OSBPL6: variants seen among roughly 807,000 people sequenced by gnomAD.
OSBPL6 encodes oxysterol-binding protein-related protein 6.
In OSBPL6, 49 loss-of-function variants were observed where a neutral mutation model predicts 125.8. That is an observed-to-expected ratio of 0.39 (90% CI 0.31 to 0.49). OSBPL6 has a LOEUF of 0.49. Ranked by LOEUF, OSBPL6 falls within the 20% of genes least tolerant of loss-of-function variation. The pLI is 0.88. For missense variants in OSBPL6, 986 were observed against 1,135.4 expected, an observed-to-expected ratio of 0.87 and a Z score of 1.89; for synonymous variants, 394 against 391.8, an observed-to-expected ratio of 1.01 and a Z score of -0.07.
chr2:178,393,836 AAC>A (rs1695615067), intron 23 of OSBPL6, among the ~76,000 whole-genome samples: 1 of 152,156 alleles, frequency 6.6e-6, no homozygotes, highest in Non-Finnish European at 1.5e-5. Flanking sequence ...TCTCCAGTAA[AAC>A]AGGAAAGCTC....
chr2:178,360,485 A>G (rs950049229), intron 12 of OSBPL6, among the ~76,000 whole-genome samples: 1 of 152,180 alleles, frequency 6.6e-6, no homozygotes, highest in Non-Finnish European at 1.5e-5. Context: ...TTAAATATAT[A>G]CACAATAAAT....
intron 3 of OSBPL6, among the ~76,000 whole-genome samples, chr2:178,314,664 C>T (rs1687582083): frequency 6.6e-6 from 1 of 152,120 alleles, no homozygotes. Flanking sequence ...AGTTTATGAA[C>T]AAACCAATAG....
At chr2:178,378,709 T>C (rs1220083385) in intron 15 of OSBPL6, among the ~76,000 whole-genome samples, 5 of 152,234 alleles carry the variant, frequency 3.3e-5, no homozygotes, top group African/African-American at 9.6e-5. Flanking sequence ...TGGCTCTTTG[T>C]GCAGGGTAGC....
At chr2:178,233,055 T>C (rs2090900974) in intron 1 of OSBPL6, among the ~76,000 whole-genome samples, 1 of 152,240 alleles carries the variant, frequency 6.6e-6, no homozygotes, top group Non-Finnish European at 1.5e-5. Context: ...GTGTACTGCC[T>C]AGATGGTAAT....
intron 16 of OSBPL6, 41 bp downstream of exon 16, chr2:178,382,548 C>G: frequency 1.2e-6 from 2 of 1,613,018 alleles, no homozygotes; most frequent in Non-Finnish European, 1.7e-6. Flanking sequence ...TATCTACATG[C>G]CAAATTGCAA....
At chr2:178,305,189 TTTAA>T (rs936875329) in intron 2 of OSBPL6, among the ~76,000 whole-genome samples, 4 of 152,358 alleles carry the variant, frequency 2.6e-5, no homozygotes, top group Admixed American at 2.0e-4. Flanking sequence ...TAAAGTTCAC[TTTAA>T]TTGTCTATCT....
At chr2:178,238,596 T>C (rs2091157992) in intron 1 of OSBPL6, among the ~76,000 whole-genome samples, 1 of 152,090 alleles carries the variant, frequency 6.6e-6, no homozygotes, top group South Asian at 2.1e-4. Flanking sequence ...TCTGTAAAAT[T>C]GGGAAGAAGG....
At chr2:178,234,382 A>T (rs2090960711) in intron 1 of OSBPL6, among the ~76,000 whole-genome samples, 1 of 152,120 alleles carries the variant, frequency 6.6e-6, no homozygotes, top group African/African-American at 2.4e-5. Flanking sequence ...AGTATAACCT[A>T]CCGGCTTGTT....
intron 8 of OSBPL6, among the ~76,000 whole-genome samples, chr2:178,333,993 G>A (rs1689451245): frequency 6.6e-6 from 1 of 152,152 alleles, no homozygotes; most frequent in Non-Finnish European, 1.5e-5. Flanking sequence ...CAAAGTCAGT[G>A]CCCTTTCCAT....
chr2:178,356,847 G>T (rs1691837878), intron 12 of OSBPL6, among the ~76,000 whole-genome samples: 1 of 152,106 alleles, frequency 6.6e-6, no homozygotes, highest in Non-Finnish European at 1.5e-5. Context: ...TATACTACAA[G>T]GCTACAGTAA....
chr2:178,257,511 T>A lies in OSBPL6; in HGVS notation c.-350-27416T>A, dbSNP rs146125948. Among the ~76,000 whole-genome samples the A allele has an allele frequency of 9.8e-5, 15 of 152,378 alleles. No individual in the cohort carries two copies. The East Asian group carries it at 2.1e-3, about 22-fold the overall frequency. ...TTTCTGTCGTAATATATTAATGATT[T>A]CTTCAACAAGGAATATGGCCTATGA... On this transcript the variant is annotated intron_variant, in intron 1 of 24. Coordinates refer to ENST00000190611, the MANE Select transcript of OSBPL6 (RefSeq NM_032523.4).
At chr2:178,282,846 T>C (rs567269390) in intron 1 of OSBPL6, among the ~76,000 whole-genome samples, 2 of 152,212 alleles carry the variant, frequency 1.3e-5, no homozygotes, top group African/African-American at 4.8e-5. Flanking sequence ...AGAGATGGGG[T>C]TTCACCATGT....
chr2:178,284,625 G>A (rs74317552), intron 1 of OSBPL6, among the ~76,000 whole-genome samples: 22,392 of 152,184 alleles, frequency 0.15, 1,793 homozygotes, highest in Admixed American at 0.22. Flanking sequence ...TGGTCCTGGA[G>A]AATATATTTT....
intron 1 of OSBPL6, among the ~76,000 whole-genome samples, chr2:178,229,388 G>A (rs150667052): frequency 4.6e-5 from 7 of 152,054 alleles, no homozygotes; most frequent in Non-Finnish European, 5.9e-5. Flanking sequence ...CTCCCTACCC[G>A]CCTTTGAAGT....
chr2:178,305,887 G>A (rs946233831), intron 2 of OSBPL6, 143 bp from the exon 3 acceptor site: 10 of 163,300 alleles, frequency 6.1e-5, no homozygotes, highest in South Asian at 4.3e-4. Flanking sequence ...TTCATCTTCC[G>A]CCTTAAAATC....
At chr2:178,352,985 G>A (rs190471906) in intron 12 of OSBPL6, among the ~76,000 whole-genome samples, 290 of 152,300 alleles carry the variant, frequency 1.9e-3, no homozygotes, top group Admixed American at 3.0e-3. Flanking sequence ...AACTCCAACA[G>A]ACCTGCAGCT....
In OSBPL6 at chr2:178,289,547, T is replaced by C. The variant is rs564561370; in HGVS notation, c.-156+4426T>C. 2.0e-4 allele frequency among the ~76,000 whole-genome samples: 30 copies of C among 152,350 alleles called. No homozygotes were observed. In the East Asian group the frequency reaches 5.8e-3, roughly 29 times the overall value. On this transcript the variant is annotated intron_variant, in intron 2 of 24. Transcript: ENST00000190611. The stretch of plus-strand genomic sequence containing the variant: ...TTTCCTACAGAACCATATTGCCATG[T>C]CACACCTAACAATATGAATGATACT...
In OSBPL6 at chr2:178,381,417, G is replaced by A. The variant is rs528125768; in HGVS notation, c.1534-1003G>A. Reference sequence around the variant, plus strand: ...CGCCCAGGCTAGAGTGCAATGTCACGATCTCAGCTCACTGCAACCTCTGCT... The same window carrying A: ...CGCCCAGGCTAGAGTGCAATGTCACAATCTCAGCTCACTGCAACCTCTGCT... On this transcript the variant is annotated intron_variant, in intron 15 of 24. Transcript: ENST00000190611. 3.3e-4 allele frequency among the ~76,000 whole-genome samples: 50 copies of A among 152,052 alleles called. No individual in the cohort carries two copies. In the South Asian group the frequency reaches 9.8e-3, roughly 30 times the overall value.
intron 20 of OSBPL6, among the ~76,000 whole-genome samples, chr2:178,387,655 T>A (rs759742562): frequency 6.6e-6 from 1 of 152,178 alleles, no homozygotes; most frequent in Non-Finnish European, 1.5e-5. Flanking sequence ...GAACTGGATA[T>A]GGAAGAAGGT....
Sources: allele counts gnomAD v4.1 joint callset (sites outside exome capture counted in the v4.1 genomes callset), GRCh38; gene constraint gnomAD v4.1.1; transcripts MANE v1.5; gene names NCBI Gene and HGNC (gene_info 2026-07-23, HGNC 2026-07-21).